GANC: variants seen among roughly 807,000 people sequenced by gnomAD.
GANC encodes neutral alpha-glucosidase C.
A neutral mutation model predicts 124.2 loss-of-function variants in GANC; 117 were observed. The ratio of observed to expected loss-of-function variants is 0.94; its 90% CI spans 0.81 to 1.10. The LOEUF is 1.10. Ranked by LOEUF, GANC falls within the 50% of genes least tolerant of loss-of-function variation. The pLI is 0.00. For synonymous variants in GANC, 377 were observed against 376.8 expected (o/e 1.00, Z -0.01); for missense variants, 1,140 against 1,095.0 (o/e 1.04, Z -0.58).
chr15:42,289,628 C>T (rs1261935161), intron 4 of GANC, among the ~76,000 whole-genome samples: 2 of 151,868 alleles, frequency 1.3e-5, no homozygotes, highest in Non-Finnish European at 2.9e-5. Context: ...TGAATATAAG[C>T]AACAGCCTCT....
chr15:42,296,825 C>A (rs1261188482), intron 5 of GANC, among the ~76,000 whole-genome samples: 1 of 150,368 alleles, frequency 6.7e-6, no homozygotes, highest in Non-Finnish European at 1.5e-5. Context: ...ATGTATTTTT[C>A]ACTCAAATAT....
intron 15 of GANC, among the ~76,000 whole-genome samples, chr15:42,330,980 G>A (rs1052970440): frequency 6.6e-5 from 10 of 151,638 alleles, no homozygotes; most frequent in Admixed American, 5.9e-4. Flanking sequence ...GTATTTTTTG[G>A]TAGAGACAGG....
chr15:42,348,637 T>C (rs1166467058), intron 21 of GANC, among the ~76,000 whole-genome samples: 1 of 152,194 alleles, frequency 6.6e-6, no homozygotes, highest in African/African-American at 2.4e-5. Context: ...TAAAACCCCC[T>C]TGGGCAAAGC....
intron 10 of GANC, 62 bp downstream of exon 10, chr15:42,310,908 T>C (rs2052044729): frequency 6.5e-7 from 1 of 1,537,868 alleles, no homozygotes; most frequent in Non-Finnish European, 8.9e-7. Context: ...CCATGTGTCA[T>C]CACGGTAAGT....
At chr15:42,306,846 A>G (rs980464044) in intron 7 of GANC, among the ~76,000 whole-genome samples, 1 of 152,214 alleles carries the variant, frequency 6.6e-6, no homozygotes, top group African/African-American at 2.4e-5. Context: ...TTATGGTCTC[A>G]TACAGGGTCA....
intron 3 of GANC, 128 bp from the exon 4 acceptor site, chr15:42,287,563 G>T (rs2051802238): frequency 1.2e-6 from 1 of 853,402 alleles, no homozygotes; most frequent in South Asian, 1.8e-5. Context: ...TTTTTTAATT[G>T]CCATTGTTCT....
intron 17 of GANC, among the ~76,000 whole-genome samples, 195 bp from the exon 18 acceptor site, chr15:42,340,495 T>A (rs144697925): frequency 0.011 from 1,650 of 151,834 alleles, 25 homozygotes; most frequent in African/African-American, 0.037. Context: ...TCCCAGCTAC[T>A]TGGGAGACCG....
intron 20 of GANC, among the ~76,000 whole-genome samples, chr15:42,347,110 C>T (rs1395519423): frequency 6.6e-6 from 1 of 151,182 alleles, no homozygotes; most frequent in Non-Finnish European, 1.5e-5. Flanking sequence ...CCCCCAGGTG[C>T]ATTCCCTTGG....
intron 10 of GANC, chr15:42,313,916 C>T (rs2052078950): frequency 6.6e-6 from 4 of 603,176 alleles, no homozygotes; most frequent in Admixed American, 5.9e-5. Context: ...CATGCTGCTG[C>T]TCTCCCGCCT....
At position 42,273,284 on chromosome 15, in the gene GANC, G is replaced by C. The variant is rs1234415664; in HGVS notation, c.-1198G>C. Reference sequence around the variant, plus strand: ...GGTATCGGAATGTGCCATTTGGACCGGTCGGCAGCAGCTACGGTTGCCGGT... The same window carrying C: ...GGTATCGGAATGTGCCATTTGGACCCGTCGGCAGCAGCTACGGTTGCCGGT... On this transcript the variant is annotated 5_prime_UTR_variant, in exon 1 of 24. Transcript: ENST00000318010. 1 of 1,614,034 alleles carries C rather than the reference G, an allele frequency of 6.2e-7. No homozygotes were observed. The highest frequency in any genetic ancestry group is 1.3e-5 in the African/African-American group (1 of 74,922).
intron 6 of GANC, among the ~76,000 whole-genome samples, chr15:42,298,879 A>G (rs1358039628): frequency 6.6e-6 from 1 of 152,162 alleles, no homozygotes. Context: ...GTGGATGTAA[A>G]GGCATGCTTG....
At chr15:42,310,665 T>C in intron 9 of GANC, 28 bp from the exon 10 acceptor site, 1 of 1,596,972 alleles carries the variant, frequency 6.3e-7, no homozygotes, top group Non-Finnish European at 8.6e-7. Flanking sequence ...GGGAAATTTC[T>C]CAAATTTTTA....
chr15:42,324,752 C>G lies in GANC; in HGVS notation c.1294-1546C>G, dbSNP rs556159256. ...TTGAAGTAATTGGAGTAGTCATATT[C>G]ATAGAGACAGAAAGTATTATAGAAT... is the stretch of plus-strand genomic sequence containing the variant. On this transcript the variant is annotated intron_variant, in intron 11 of 23. Coordinates refer to ENST00000318010, the MANE Select transcript of GANC (RefSeq NM_198141.3). 2.0e-5 allele frequency among the ~76,000 whole-genome samples: 3 copies of G among 152,170 alleles called. No homozygotes were observed. In the South Asian group the frequency reaches 6.2e-4, roughly 32 times the overall value.
chr15:42,349,415 T>C lies in GANC; in HGVS notation c.2451T>C (p.Asp817=). The change falls in exon 22 of 24, where the codon GAT becomes GAC. Residue 817 remains aspartate (D), a synonymous_variant. Transcript: ENST00000318010. The part of the protein sequence containing the change: ...GSSVGELYLD[D]GHSFQYLHQK... ...CAGTGGGTGAGTTATATCTTGATGATGGCCATTCATTCCAATACCTCCACC... is the reference window on the plus strand; with the variant it reads ...CAGTGGGTGAGTTATATCTTGATGACGGCCATTCATTCCAATACCTCCACC... 3 of 1,613,384 alleles carry C rather than the reference T, an allele frequency of 1.9e-6. No individual in the cohort carries two copies. In the African/African-American group the frequency reaches 4.0e-5, roughly 21 times the overall value.
intron 3 of GANC, among the ~76,000 whole-genome samples, chr15:42,279,142 T>C (rs116159275): frequency 0.014 from 2,188 of 152,326 alleles, 50 homozygotes; most frequent in African/African-American, 0.05. Flanking sequence ...TTCCTTTTGT[T>C]TAGTCTTCGT....
Position 42,287,859 on chromosome 15 carries a change from T to C in GANC, c.329+41T>C, listed in dbSNP as rs373681069. 30 of 1,575,770 alleles carry C rather than the reference T, an allele frequency of 1.9e-5. No individual in the cohort carries two copies. The African/African-American group carries it at 2.3e-4, about 12-fold the overall frequency. ...AGGTATTTTAGAGACACGCTTGATATATTCTTTTATCATATCTTGAGTAAT... is the reference window on the plus strand; with the variant it reads ...AGGTATTTTAGAGACACGCTTGATACATTCTTTTATCATATCTTGAGTAAT... On this transcript the variant is annotated intron_variant, in intron 4 of 23. Transcript: ENST00000318010.
intron 5 of GANC, among the ~76,000 whole-genome samples, chr15:42,297,130 C>G (rs538369570): frequency 6.6e-6 from 1 of 152,220 alleles, no homozygotes; most frequent in Non-Finnish European, 1.5e-5. Context: ...AGGAGAGTTA[C>G]ACCGAGTGTA....
chr15:42,287,368 A>G (rs1370928749), intron 3 of GANC, among the ~76,000 whole-genome samples: 1 of 152,190 alleles, frequency 6.6e-6, no homozygotes, highest in Admixed American at 6.5e-5. Context: ...ACATGTCCCA[A>G]TCTTCCAAGG....
At chr15:42,335,481 C>T (rs1307168882) in intron 15 of GANC, among the ~76,000 whole-genome samples, 7 of 152,088 alleles carry the variant, frequency 4.6e-5, no homozygotes, top group African/African-American at 1.7e-4. Flanking sequence ...TAATAAGAGT[C>T]ATATTTGACA....
Sources: allele counts gnomAD v4.1 joint callset (sites outside exome capture counted in the v4.1 genomes callset), GRCh38; gene constraint gnomAD v4.1.1; transcripts MANE v1.5; gene names NCBI Gene and HGNC (gene_info 2026-07-23, HGNC 2026-07-21).